POLK: variants seen among roughly 807,000 people sequenced by gnomAD.
POLK encodes polymerase (DNA directed) kappa.
Under a neutral mutation model 94.0 loss-of-function variants are expected in POLK, and 76 were observed. That is an observed-to-expected ratio of 0.81 (90% CI 0.67 to 0.98). The LOEUF is 0.98. Among genes scored for constraint, POLK ranks in the 50% least tolerant of loss-of-function variants. The pLI is 0.00. For synonymous variants in POLK, 349 were observed against 325.4 expected (o/e 1.07, Z -0.78); for missense variants, 954 against 1,010.1 (o/e 0.94, Z 0.75).
chr5:75,575,226 G>C (rs2112791051), intron 5 of POLK, among the ~76,000 whole-genome samples: 1 of 152,272 alleles, frequency 6.6e-6, no homozygotes, highest in Non-Finnish European at 1.5e-5. Context: ...CATAGCCCAG[G>C]CTGGAGTGCC....
At chr5:75,537,646 A>G (rs906358071) in intron 1 of POLK, among the ~76,000 whole-genome samples, 1 of 152,144 alleles carries the variant, frequency 6.6e-6, no homozygotes, top group Non-Finnish European at 1.5e-5. Context: ...TACTTCTGCT[A>G]TAATCTATTT....
intron 3 of POLK, among the ~76,000 whole-genome samples, chr5:75,564,402 T>G (rs1167078487): frequency 6.6e-6 from 1 of 152,226 alleles, no homozygotes; most frequent in Non-Finnish European, 1.5e-5. Context: ...CTGTGTCTTT[T>G]AATTGGGGCA....
intron 1 of POLK, among the ~76,000 whole-genome samples, chr5:75,527,661 C>G (rs751676191): frequency 2.6e-5 from 4 of 152,000 alleles, no homozygotes; most frequent in Non-Finnish European, 5.9e-5. Flanking sequence ...TTCTCCGAAC[C>G]TGGTAGTTTT....
intron 7 of POLK, chr5:75,581,751 C>T (rs1772205485): frequency 4.3e-6 from 1 of 231,578 alleles, no homozygotes; most frequent in South Asian, 6.1e-5. Flanking sequence ...TCTCATTCAG[C>T]TTACTGCAAC....
chr5:75,579,524 A>G, intron 6 of POLK, among the ~76,000 whole-genome samples: 1 of 151,304 alleles, frequency 6.6e-6, no homozygotes, highest in Non-Finnish European at 1.5e-5. Flanking sequence ...TTCCTGGCTC[A>G]TTTTTGTATT....
rs942533634 is a variant in POLK, at chr5:75,511,931, G to T, written c.-14+17G>T. 6 of 1,078,186 alleles carry T rather than the reference G, an allele frequency of 5.6e-6. No individual in the cohort carries two copies. Among genetic ancestry groups the T allele is most frequent in the African/African-American group, 1.6e-5 (1 of 62,650 alleles). 66.8% of individuals were successfully genotyped at this position (1,078,186 alleles called of 1,614,324 possible). ...AGGTAACGGGTGAGTATCCCGCGCG[G>T]GGATCGCTTGTCCCCTTGGGGCCTT... On this transcript the variant is annotated intron_variant, in intron 1 of 14. Coordinates refer to ENST00000241436, the Ensembl canonical transcript of POLK.
intron 4 of POLK, among the ~76,000 whole-genome samples, chr5:75,571,282 T>C (rs908248669): frequency 4.6e-5 from 7 of 152,138 alleles, no homozygotes; most frequent in Admixed American, 3.3e-4. Flanking sequence ...ATGGGAGTGA[T>C]TGTTTGATTA....
intron 7 of POLK, 150 bp from the exon 8 acceptor site, chr5:75,583,143 G>A: frequency 1.9e-6 from 1 of 524,304 alleles, no homozygotes; most frequent in Non-Finnish European, 3.3e-6. Flanking sequence ...ACCCTGGGGA[G>A]ATAGATGGTA....
chr5:75,606,512 T>G, the POLK span, among the ~76,000 whole-genome samples: 7 of 103,712 alleles, frequency 6.7e-5, no homozygotes, highest in Non-Finnish European at 1.3e-4. Context: ...CTTCCGCAGT[T>G]TTTGTGTCCC....
chr5:75,547,851 TA>T (rs1191867518), intron 2 of POLK, among the ~76,000 whole-genome samples: 1 of 152,260 alleles, frequency 6.6e-6, no homozygotes, highest in African/African-American at 2.4e-5. Context: ...AGTGTATTAC[TA>T]AACTTTTGTA....
rs558495349 is a variant in POLK at position 75,534,202 on chromosome 5, G to GT, written c.-13-12806dup. Among the ~76,000 whole-genome samples the GT allele has an allele frequency of 2.3e-3, 348 of 151,676 alleles. 5 individuals are homozygous for GT. Among genetic ancestry groups the GT allele is most frequent in the Admixed American group, 0.019 (285 of 15,214 alleles). On this transcript the variant is annotated intron_variant, in intron 1 of 14. Coordinates refer to ENST00000241436, the Ensembl canonical transcript of POLK. ...AATCACTTGAACCTAGAAGGCAGAG[G>GT]TTGCAGTGAGCTGAGATTGTGTCAC...
exon 2 of POLK, chr5:75,547,128 A>C (rs1770065017): frequency 6.5e-7 from 1 of 1,544,848 alleles, no homozygotes; most frequent in Non-Finnish European, 8.8e-7. Flanking sequence ...TAAAGAGAAA[A>C]TTAACAAAAT....
At chr5:75,556,305 A>G (rs1002213591) in intron 3 of POLK, among the ~76,000 whole-genome samples, 15 of 152,056 alleles carry the variant, frequency 9.9e-5, no homozygotes, top group African/African-American at 3.4e-4. Flanking sequence ...TGCCATCTGT[A>G]TATGTTCTTT....
intron 11 of POLK, 187 bp downstream of exon 11, chr5:75,590,627 T>C (rs1772735244): frequency 3.7e-6 from 2 of 541,892 alleles, no homozygotes; most frequent in Non-Finnish European, 6.6e-6. Flanking sequence ...GAGTCTGTGA[T>C]GAGGTGATTC....
At chr5:75,563,601 T>C (rs889499820) in intron 3 of POLK, among the ~76,000 whole-genome samples, 17 of 152,192 alleles carry the variant, frequency 1.1e-4, no homozygotes, top group African/African-American at 4.1e-4. Flanking sequence ...ATTGTGTCTT[T>C]GTTCTCTTAT....
At chr5:75,532,364 G>C (rs1769223281) in intron 1 of POLK, among the ~76,000 whole-genome samples, 1 of 151,994 alleles carries the variant, frequency 6.6e-6, no homozygotes, top group Non-Finnish European at 1.5e-5. Flanking sequence ...AGTTTGCTTA[G>C]TATGATGACC....
downstream of POLK, among the ~76,000 whole-genome samples, chr5:75,604,141 G>T (rs1773363226): frequency 6.6e-6 from 1 of 152,160 alleles, no homozygotes; most frequent in Non-Finnish European, 1.5e-5. Context: ...TGGTGGCTAA[G>T]GGCTGCTGTC....
At chr5:75,603,153 G>A (rs1442488754), downstream of POLK, among the ~76,000 whole-genome samples, 1 of 152,200 alleles carries the variant, frequency 6.6e-6, no homozygotes, top group Non-Finnish European at 1.5e-5. Context: ...ATTAACAAAT[G>A]TATTTGTTTA....
intron 6 of POLK, among the ~76,000 whole-genome samples, chr5:75,577,666 A>C (rs973051135): frequency 1.3e-5 from 2 of 152,130 alleles, no homozygotes; most frequent in African/African-American, 4.8e-5. Flanking sequence ...CATGTGCACC[A>C]CTCATTGCTT....
Sources: gnomAD v4.1 joint callset for allele counts (sites outside exome capture counted in the v4.1 genomes callset) on GRCh38, gnomAD v4.1.1 for gene constraint, MANE v1.5 for transcripts, NCBI Gene and HGNC (gene_info 2026-07-23, HGNC 2026-07-21) for gene names.